Variants in TOX observed in about 807,000 individuals in gnomAD.
The protein encoded by TOX is thymocyte selection-associated high mobility group box protein TOX.
A neutral mutation model predicts 53.7 loss-of-function variants in TOX; 11 were observed. That is an observed-to-expected ratio of 0.20 (90% CI 0.13 to 0.34). The LOEUF (loss-of-function observed/expected upper bound fraction) is 0.34, where lower values mean the gene tolerates loss of function less well. Among genes scored for constraint, TOX ranks in the 10% least tolerant of loss-of-function variants. The pLI is 1.00. For missense variants in TOX, 570 were observed against 664.6 expected (o/e 0.86, Z 1.56); for synonymous variants, 225 against 245.3 (o/e 0.92, Z 0.77).
At chr8:59,041,004 T>C (rs1167565773) in intron 1 of TOX, among the ~76,000 whole-genome samples, 2 of 151,956 alleles carry the variant, frequency 1.3e-5, no homozygotes, top group Non-Finnish European at 2.9e-5. Context: ...GTCACAATCC[T>C]GTGCTCCCAT....
chr8:59,040,797 T>C (rs1334144212), intron 1 of TOX, among the ~76,000 whole-genome samples: 3 of 152,188 alleles, frequency 2.0e-5, no homozygotes, highest in Admixed American at 2.0e-4. Context: ...TAGGAGCTGG[T>C]GCTGCCTCTG....
rs1027244610 is a variant in TOX, at chr8:59,118,352, A to C, written c.102+534T>G. ...GCCGGAACCGGTTTGAGAAAACAAA[A>C]GAGTTGTGGGGCAGTTTTCCCTGTG... On this transcript the variant is annotated intron_variant, in intron 1 of 8. Transcript: ENST00000361421. The surrounding 1 kb of genome is among the most constrained non-coding windows in gnomAD (Gnocchi z 4.1). 2.6e-5 allele frequency among the ~76,000 whole-genome samples: 4 copies of C among 152,160 alleles called. No individual in the cohort carries two copies. The highest frequency in any genetic ancestry group is 4.4e-5 in the Non-Finnish European group (3 of 68,032).
intron 1 of TOX, among the ~76,000 whole-genome samples, chr8:59,095,551 C>T (rs776120097): frequency 4.2e-4 from 64 of 152,084 alleles, no homozygotes; most frequent in Admixed American, 7.2e-4. Context: ...GGATTACAGG[C>T]GTGCACCACC....
intron 2 of TOX, among the ~76,000 whole-genome samples, chr8:58,945,609 C>A (rs1471315059): frequency 6.6e-6 from 1 of 152,156 alleles, no homozygotes; most frequent in African/African-American, 2.4e-5. Context: ...ATCTGAGTAT[C>A]CTGTTTACAT....
At chr8:59,063,982 T>A (rs548627504) in intron 1 of TOX, among the ~76,000 whole-genome samples, 1 of 152,064 alleles carries the variant, frequency 6.6e-6, no homozygotes, top group Non-Finnish European at 1.5e-5. Context: ...AGGACCAATG[T>A]TGTGCTAAAT....
intron 6 of TOX, among the ~76,000 whole-genome samples, chr8:58,824,051 T>C (rs1181603705): frequency 6.6e-6 from 1 of 152,104 alleles, no homozygotes; most frequent in East Asian, 1.9e-4. Flanking sequence ...AGAATGTCAA[T>C]GCTGAATGTC....
chr8:59,031,169 G>C (rs1340445100), intron 1 of TOX, among the ~76,000 whole-genome samples: 2 of 152,270 alleles, frequency 1.3e-5, no homozygotes, highest in East Asian at 1.9e-4. Flanking sequence ...AATTAGATTG[G>C]AGGAAGGGGA....
At chr8:58,939,083 A>C (rs1331373266) in intron 3 of TOX, among the ~76,000 whole-genome samples, 1 of 152,252 alleles carries the variant, frequency 6.6e-6, no homozygotes, top group African/African-American at 2.4e-5. Context: ...TTGGGTCATA[A>C]ATACGAGTGA....
intron 5 of TOX, among the ~76,000 whole-genome samples, chr8:58,829,765 A>G (rs1423094234): frequency 6.6e-6 from 1 of 152,200 alleles, no homozygotes; most frequent in African/African-American, 2.4e-5. Context: ...AAAGGCCTCA[A>G]CTATGAATGA....
At chr8:58,837,983 T>C in intron 5 of TOX, 98 bp downstream of exon 5, 1 of 1,138,760 alleles carries the variant, frequency 8.8e-7, no homozygotes, top group South Asian at 1.5e-5. Flanking sequence ...GCGTCTGTTC[T>C]GGGATCTAAA....
At chr8:59,087,864 A>C (rs925140157) in intron 1 of TOX, among the ~76,000 whole-genome samples, 9 of 152,204 alleles carry the variant, frequency 5.9e-5, no homozygotes, top group African/African-American at 1.9e-4. Context: ...ACAACCGATT[A>C]TGTTTCACAA....
intron 7 of TOX, 95 bp downstream of exon 7, chr8:58,815,243 C>A: frequency 6.8e-7 from 1 of 1,463,360 alleles, no homozygotes; most frequent in Non-Finnish European, 9.1e-7. Context: ...AAACACATAT[C>A]CCCAATCCTG....
intron 2 of TOX, among the ~76,000 whole-genome samples, chr8:58,946,919 C>T (rs1043072672): frequency 1.3e-5 from 2 of 151,956 alleles, no homozygotes; most frequent in African/African-American, 2.4e-5. Context: ...GCGTAAGAAA[C>T]ACTGGCAAAT....
At chr8:59,017,935 T>C (rs1490633299) in intron 1 of TOX, among the ~76,000 whole-genome samples, 1 of 152,200 alleles carries the variant, frequency 6.6e-6, no homozygotes, top group Non-Finnish European at 1.5e-5. Context: ...TGATGTGTTC[T>C]AGTCAAAAAG....
chr8:58,877,935 T>C (rs1284435980), intron 3 of TOX, among the ~76,000 whole-genome samples: 1 of 151,662 alleles, frequency 6.6e-6, no homozygotes, highest in Admixed American at 6.6e-5. Context: ...TTGCTCAGGG[T>C]AATGAGGATG....
chr8:59,068,836 G>T (rs1024581103), intron 1 of TOX, among the ~76,000 whole-genome samples: 3 of 152,104 alleles, frequency 2.0e-5, no homozygotes, highest in African/African-American at 7.2e-5. Flanking sequence ...TAAGGAAGAG[G>T]GTGGCCACGG....
chr8:58,905,431 G>GAA (rs1223861534), intron 3 of TOX, among the ~76,000 whole-genome samples: 2 of 151,994 alleles, frequency 1.3e-5, no homozygotes, highest in African/African-American at 4.8e-5. Context: ...GTGGCCTTTG[G>GAA]AAAAAAATCT....
chr8:59,058,665 T>C (rs1299943873), intron 1 of TOX, among the ~76,000 whole-genome samples: 1 of 152,130 alleles, frequency 6.6e-6, no homozygotes, highest in Admixed American at 6.5e-5. Flanking sequence ...GCAGCCAGCA[T>C]GCTGACTATG....
At chr8:59,107,105 A>C (rs1488993649) in intron 1 of TOX, among the ~76,000 whole-genome samples, 1 of 143,688 alleles carries the variant, frequency 7.0e-6, no homozygotes, top group Non-Finnish European at 1.5e-5. Context: ...TAGAATTTTT[A>C]AACTTTTAAA....
Sources: allele counts gnomAD v4.1 joint callset (sites outside exome capture counted in the v4.1 genomes callset), GRCh38; gene constraint gnomAD v4.1.1; non-coding constraint Gnocchi (gnomAD v3.1); transcripts MANE v1.5; gene names NCBI Gene and HGNC (gene_info 2026-07-23, HGNC 2026-07-21).